The following AMPH variants were observed in gnomAD, a reference collection of about 807,000 sequenced individuals.
AMPH encodes amphiphysin (Stiff-Mann syndrome with breast cancer 128kD autoantigen).
A neutral mutation model predicts 99.1 loss-of-function variants in AMPH; 49 were observed. That is an observed-to-expected ratio of 0.49 (90% CI 0.39 to 0.63). The LOEUF (loss-of-function observed/expected upper bound fraction) is 0.63. Among genes scored for constraint, AMPH ranks in the 20% least tolerant of loss-of-function variants. The pLI is 0.00. For missense variants in AMPH, 759 were observed against 863.4 expected (o/e 0.88, Z 1.52); for synonymous variants, 314 against 317.3 (o/e 0.99, Z 0.11).
At position 38,433,724 on chromosome 7, in the gene AMPH, C is replaced by CAAAA. The variant is rs570503359; in HGVS notation, c.1135-1516_1135-1513dup. On this transcript the variant is annotated intron_variant, in intron 12 of 20. Transcript: ENST00000356264. ...TGGGCAACAGAGCGAGACTCCGTCT[C>CAAAA]AAAAAAAAAAAAAAAAAAAAAAGAA... Among the ~76,000 whole-genome samples the CAAAA allele has an allele frequency of 5.1e-4, 27 of 53,188 alleles. 3 individuals are homozygous for CAAAA. The highest frequency in any genetic ancestry group is 0.014 in the Middle Eastern group (1 of 74). 34.9% of individuals were successfully genotyped at this position (53,188 alleles called of 152,430 possible).
At chr7:38,414,035 T>A (rs1022552830) in intron 17 of AMPH, among the ~76,000 whole-genome samples, 4 of 152,186 alleles carry the variant, frequency 2.6e-5, no homozygotes, top group African/African-American at 9.7e-5. Context: ...ATTTACCACA[T>A]CTCTGTATTC....
chr7:38,584,789 A>T (rs1488653754), intron 1 of AMPH, among the ~76,000 whole-genome samples: 3 of 152,214 alleles, frequency 2.0e-5, no homozygotes, highest in Non-Finnish European at 2.9e-5. Context: ...GCCTCAGCAG[A>T]GACCTGAGCA....
At chr7:38,497,907 T>C (rs1329083288) in intron 3 of AMPH, among the ~76,000 whole-genome samples, 1 of 152,208 alleles carries the variant, frequency 6.6e-6, no homozygotes, top group Admixed American at 6.5e-5. Context: ...GAACTATTAA[T>C]GACACCACGT....
At chr7:38,481,157 A>G (rs1390229727) in intron 5 of AMPH, among the ~76,000 whole-genome samples, 2 of 152,172 alleles carry the variant, frequency 1.3e-5, no homozygotes, top group Non-Finnish European at 2.9e-5. Flanking sequence ...AGAAAAGATA[A>G]ATCAATCTTA....
At chr7:38,519,407 C>T (rs1789870786) in intron 2 of AMPH, among the ~76,000 whole-genome samples, 1 of 152,150 alleles carries the variant, frequency 6.6e-6, no homozygotes, top group Non-Finnish European at 1.5e-5. Context: ...AGAAGTTTCT[C>T]ATACCAATTA....
intron 1 of AMPH, among the ~76,000 whole-genome samples, chr7:38,611,570 A>G (rs1793680052): frequency 6.6e-6 from 1 of 152,238 alleles, no homozygotes; most frequent in Non-Finnish European, 1.5e-5. Context: ...ACCTCTACAT[A>G]CAGCCTTAAT....
At chr7:38,404,272 T>C (rs1206165753) in intron 17 of AMPH, among the ~76,000 whole-genome samples, 1 of 151,954 alleles carries the variant, frequency 6.6e-6, no homozygotes, top group East Asian at 1.9e-4. Context: ...TCAGGGCAGG[T>C]GCCTCCATTC....
In AMPH at chr7:38,503,671, C is replaced by G; in HGVS notation, c.184G>C (p.Gly62Arg). 6.2e-7 allele frequency: 1 copy of G among 1,614,024 alleles called. No homozygotes were observed. Among genetic ancestry groups the G allele is most frequent in the South Asian group, 1.1e-5 (1 of 91,070 alleles). Residue 62 changes from glycine to arginine, a missense_variant, in exon 3 of 21, where the codon GGA (glycine) becomes CGA (arginine). By Grantham distance (125) the Gly-to-Arg change is moderately radical. Transcript: ENST00000356264. ...EGTRLQRELR[G>R]YLAAIKGMQE... ...TTACCTTTGATTGCTGCTAAATATC[C>G]TCGGAGTTCTCGCTGAAGTCTGGTA...
chr7:38,454,205 A>G (rs1787144660), intron 11 of AMPH, among the ~76,000 whole-genome samples: 1 of 152,246 alleles, frequency 6.6e-6, no homozygotes, highest in African/African-American at 2.4e-5. Context: ...GTGCTTGAAA[A>G]GAATGAAAAA....
At chr7:38,560,090 C>T (rs568269203) in intron 1 of AMPH, among the ~76,000 whole-genome samples, 1 of 152,362 alleles carries the variant, frequency 6.6e-6, no homozygotes, top group African/African-American at 2.4e-5. Flanking sequence ...GACCCTTCAG[C>T]TCCTCCCATG....
chr7:38,409,582 C>T (rs184352662), intron 17 of AMPH, among the ~76,000 whole-genome samples: 2 of 152,248 alleles, frequency 1.3e-5, no homozygotes, highest in East Asian at 3.9e-4. Flanking sequence ...CACATTTATG[C>T]GCTTTTTTTC....
intron 14 of AMPH, chr7:38,428,738 A>G (rs1452896093): frequency 2.2e-6 from 1 of 456,798 alleles, no homozygotes; most frequent in Non-Finnish European, 4.4e-6. Flanking sequence ...TCATTCCACA[A>G]TTATTGATTA....
At chr7:38,430,888 T>A (rs964519875) in intron 13 of AMPH, among the ~76,000 whole-genome samples, 7 of 152,236 alleles carry the variant, frequency 4.6e-5, no homozygotes, top group African/African-American at 1.7e-4. Context: ...GACAGACATC[T>A]TTTTGTTTTG....
chr7:38,391,400 C>T (rs576043227), intron 19 of AMPH, among the ~76,000 whole-genome samples: 2 of 152,266 alleles, frequency 1.3e-5, no homozygotes, highest in East Asian at 1.9e-4. Context: ...GGGATATAGC[C>T]GAGTCAGGAG....
chr7:38,532,429 T>C (rs1318150306), intron 2 of AMPH, among the ~76,000 whole-genome samples: 1 of 152,158 alleles, frequency 6.6e-6, no homozygotes, highest in Non-Finnish European at 1.5e-5. Flanking sequence ...TCTTATGAAA[T>C]AGAATTACTT....
chr7:38,567,420 G>A (rs937301148), intron 1 of AMPH, among the ~76,000 whole-genome samples: 2 of 152,080 alleles, frequency 1.3e-5, no homozygotes, highest in African/African-American at 4.8e-5. Flanking sequence ...ATAGCATTAG[G>A]AGAAATACCT....
intron 1 of AMPH, among the ~76,000 whole-genome samples, chr7:38,615,089 A>G (rs1793830032): frequency 1.3e-5 from 2 of 152,220 alleles, no homozygotes; most frequent in Admixed American, 6.5e-5. Context: ...TAACTTCACC[A>G]GAACTGATGA....
rs540763885 is a variant in AMPH at position 38,628,371 on chromosome 7, A to C, written c.69+2912T>G. On this transcript the variant is annotated intron_variant, in intron 1 of 20. Coordinates refer to ENST00000356264, the MANE Select transcript of AMPH (RefSeq NM_001635.4). ...ATCTAGCTATAATAAAAATAGGCAA[A>C]CCTTGGATGCAATAAGTCTTCTTCT... Among the ~76,000 whole-genome samples, 50 of 152,324 alleles carry C rather than the reference A, an allele frequency of 3.3e-4. No individual in the cohort carries two copies. In the South Asian group the frequency reaches 0.01, roughly 32 times the overall value.
chr7:38,548,191 G>C (rs1028033616), intron 1 of AMPH, among the ~76,000 whole-genome samples: 1 of 151,940 alleles, frequency 6.6e-6, no homozygotes, highest in Non-Finnish European at 1.5e-5. Context: ...ACCACACCCG[G>C]CTAATTTTTT....
Sources: allele counts gnomAD v4.1 joint callset (sites outside exome capture counted in the v4.1 genomes callset), GRCh38; gene constraint gnomAD v4.1.1; transcripts MANE v1.5; gene names NCBI Gene and HGNC (gene_info 2026-07-23, HGNC 2026-07-21).